The following SUSD5 variants were observed in gnomAD, a reference collection of about 807,000 sequenced individuals.
SUSD5 encodes sushi domain containing 5, also known as sushi domain-containing protein 5.
In SUSD5, 33 loss-of-function variants were observed where a neutral mutation model predicts 29.5. The observed-to-expected ratio is 1.12, with a 90% CI of 0.85 to 1.49. The LOEUF (loss-of-function observed/expected upper bound fraction) is 1.49, where lower values mean the gene tolerates loss of function less well. SUSD5 is among the 40% of genes most tolerant of loss of function. The probability of loss-of-function intolerance (pLI) is 0.00; values close to 1 mark genes in which losing one functional copy is unlikely to be tolerated. For synonymous variants in SUSD5, 308 were observed against 325.3 expected (o/e 0.95, Z 0.57); for missense variants, 776 against 800.6 (o/e 0.97, Z 0.37).
intron 3 of SUSD5, among the ~76,000 whole-genome samples, chr3:33,191,271 A>G (rs1208389370): frequency 6.6e-6 from 1 of 151,958 alleles, no homozygotes; most frequent in Admixed American, 6.6e-5. Flanking sequence ...CTGGGACTAC[A>G]GGTGCCTGCC....
chr3:33,172,206 C>T (rs1575531950), intron 4 of SUSD5, among the ~76,000 whole-genome samples: 2 of 152,058 alleles, frequency 1.3e-5, no homozygotes, highest in East Asian at 3.9e-4. Context: ...CACACACACA[C>T]ACACACACAC....
intron 3 of SUSD5, among the ~76,000 whole-genome samples, chr3:33,184,531 T>C (rs2031739958): frequency 6.6e-6 from 1 of 152,142 alleles, no homozygotes; most frequent in South Asian, 2.1e-4. Flanking sequence ...CTTTCTTCCT[T>C]CTCCTTCTGA....
chr3:33,198,185 G>A (rs931354848), intron 3 of SUSD5, among the ~76,000 whole-genome samples: 1 of 152,178 alleles, frequency 6.6e-6, no homozygotes, highest in Non-Finnish European at 1.5e-5. Flanking sequence ...CATAGTCATA[G>A]CTCATACTTA....
At chr3:33,157,235 G>C (rs2031075940) in intron 4 of SUSD5, among the ~76,000 whole-genome samples, 1 of 152,174 alleles carries the variant, frequency 6.6e-6, no homozygotes, top group Non-Finnish European at 1.5e-5. Context: ...TCCCCCGTTG[G>C]AGCATATGGG....
intron 4 of SUSD5, among the ~76,000 whole-genome samples, chr3:33,169,849 T>G (rs59156973): frequency 1.3e-5 from 2 of 151,966 alleles, no homozygotes; most frequent in African/African-American, 4.8e-5. Context: ...GAACTGAGGG[T>G]AGGGGTGGGC....
At chr3:33,218,121 G>A (rs1423765250) in intron 1 of SUSD5, among the ~76,000 whole-genome samples, 1 of 152,140 alleles carries the variant, frequency 6.6e-6, no homozygotes, top group Non-Finnish European at 1.5e-5. Flanking sequence ...TCGCCTCCAG[G>A]TACTTTGCTT....
At chr3:33,161,008 G>A (rs763147161) in intron 4 of SUSD5, among the ~76,000 whole-genome samples, 3 of 152,012 alleles carry the variant, frequency 2.0e-5, no homozygotes, top group Non-Finnish European at 2.9e-5. Context: ...AATAAAAGCC[G>A]GAAGACAATG....
chr3:33,153,611 C>T lies in SUSD5; in HGVS notation c.1021G>A (p.Gly341Ser), dbSNP rs755874748. The stretch of plus-strand genomic sequence containing the variant: ...GGCCCCGAGGGACCATCAGTGTTGC[C>T]GTAGATCACCTTGGTTTCAGGTTCA... ...PGEPETKVIY[G>S]NTDGPSGPFV... The change falls in exon 5 of 5, where the codon GGC (glycine) becomes AGC (serine). Residue 341 changes from glycine (G) to serine (S), a missense_variant. Coordinates refer to ENST00000309558, the MANE Select transcript of SUSD5 (RefSeq NM_015551.2). 4.3e-5 allele frequency: 69 copies of T among 1,613,874 alleles called. No homozygotes were observed. Among genetic ancestry groups the T allele is most frequent in the Admixed American group, 2.2e-4 (13 of 60,000 alleles).
intron 3 of SUSD5, among the ~76,000 whole-genome samples, chr3:33,183,075 G>A (rs1049913226): frequency 3.3e-5 from 5 of 152,066 alleles, no homozygotes; most frequent in Admixed American, 6.5e-5. Context: ...GATTACAGGC[G>A]TGAGCCACCA....
chr3:33,179,188 T>C (rs1443540581), intron 3 of SUSD5, among the ~76,000 whole-genome samples: 1 of 152,374 alleles, frequency 6.6e-6, no homozygotes, highest in East Asian at 1.9e-4. Context: ...GTTATCAAAT[T>C]TGTAGGCATA....
intron 4 of SUSD5, among the ~76,000 whole-genome samples, chr3:33,166,425 G>A (rs945249713): frequency 6.6e-6 from 1 of 152,134 alleles, no homozygotes; most frequent in Non-Finnish European, 1.5e-5. Flanking sequence ...TCTTGATGGT[G>A]CTTGACACTT....
chr3:33,203,950 T>G (rs2032166851), intron 3 of SUSD5, among the ~76,000 whole-genome samples: 1 of 152,192 alleles, frequency 6.6e-6, no homozygotes, highest in African/African-American at 2.4e-5. Context: ...GGACCCACTC[T>G]GTTGCTCAGG....
At chr3:33,158,769 G>C (rs2031111565) in intron 4 of SUSD5, among the ~76,000 whole-genome samples, 1 of 152,166 alleles carries the variant, frequency 6.6e-6, no homozygotes, top group Non-Finnish European at 1.5e-5. Context: ...CCTTTCATGA[G>C]GGGTAAGGTA....
rs1347379346 is a variant in SUSD5 at position 33,158,755 on chromosome 3, G to T, written c.599-4722C>A. ...TATCCCTGTTCTCAGCCAGAACCCG[G>T]CCCCCTTTCATGAGGGGTAAGGTAG... On this transcript the variant is annotated intron_variant, in intron 4 of 4. Transcript: ENST00000309558. 2.6e-5 allele frequency among the ~76,000 whole-genome samples: 4 copies of T among 152,164 alleles called. No homozygotes were observed. In the East Asian group the frequency reaches 7.7e-4, roughly 29 times the overall value.
intron 4 of SUSD5, among the ~76,000 whole-genome samples, chr3:33,166,464 A>C (rs896097150): frequency 6.6e-6 from 1 of 152,114 alleles, no homozygotes; most frequent in Non-Finnish European, 1.5e-5. Context: ...GTTTGGGACT[A>C]ATGTGTTACT....
intron 3 of SUSD5, among the ~76,000 whole-genome samples, chr3:33,180,885 T>C (rs2031656435): frequency 2.7e-5 from 4 of 150,604 alleles, no homozygotes. Context: ...GGTCTTACTA[T>C]GTTGCCCAGG....
intron 4 of SUSD5, among the ~76,000 whole-genome samples, chr3:33,161,963 C>G (rs933973882): frequency 6.6e-6 from 1 of 152,112 alleles, no homozygotes; most frequent in African/African-American, 2.4e-5. Context: ...TTGAACAACA[C>G]ATTTAATAAA....
chr3:33,161,378 A>T (rs1348300317), intron 4 of SUSD5, among the ~76,000 whole-genome samples: 1 of 152,212 alleles, frequency 6.6e-6, no homozygotes, highest in Non-Finnish European at 1.5e-5. Context: ...AGAGTAAAAG[A>T]CTATTAGAAG....
At chr3:33,214,809 C>G (rs1192124657) in intron 1 of SUSD5, among the ~76,000 whole-genome samples, 1 of 152,024 alleles carries the variant, frequency 6.6e-6, no homozygotes, top group Non-Finnish European at 1.5e-5. Flanking sequence ...AACCACGGTA[C>G]CGGAGGGAGC....
Sources: allele counts gnomAD v4.1 joint callset (sites outside exome capture counted in the v4.1 genomes callset), GRCh38; gene constraint gnomAD v4.1.1; transcripts MANE v1.5; gene names NCBI Gene and HGNC (gene_info 2026-07-23, HGNC 2026-07-21).